ACAP2: variants seen among roughly 807,000 people sequenced by gnomAD.
ACAP2 encodes ArfGAP with coiled-coil, ankyrin repeat and PH domains 2.
Under a neutral mutation model 115.8 loss-of-function variants are expected in ACAP2, and 39 were observed. The ratio of observed to expected loss-of-function variants is 0.34; its 90% confidence interval spans 0.26 to 0.44. The LOEUF is 0.44. Among genes scored for constraint, ACAP2 ranks in the 20% least tolerant of loss-of-function variants. ACAP2 has a pLI of 1.00. For missense variants in ACAP2, 662 were observed against 927.6 expected, an observed-to-expected ratio of 0.71 and a Z score of 3.72; for synonymous variants, 289 against 315.8, an observed-to-expected ratio of 0.92 and a Z score of 0.90.
At chr3:195,317,426 A>G (rs923524777) in intron 10 of ACAP2, among the ~76,000 whole-genome samples, 5 of 152,210 alleles carry the variant, frequency 3.3e-5, no homozygotes, top group African/African-American at 1.2e-4. Flanking sequence ...AACCAATAAT[A>G]TAATAGTAAA....
intron 4 of ACAP2, among the ~76,000 whole-genome samples, chr3:195,369,664 G>T (rs1410372268): frequency 6.6e-6 from 1 of 152,126 alleles, no homozygotes; most frequent in Non-Finnish European, 1.5e-5. Context: ...GTCATTAATG[G>T]GCATTTAGGT....
At chr3:195,361,994 C>T (rs962078880) in intron 4 of ACAP2, among the ~76,000 whole-genome samples, 1 of 152,030 alleles carries the variant, frequency 6.6e-6, no homozygotes, top group Non-Finnish European at 1.5e-5. Flanking sequence ...CTGAACAGAC[C>T]AGTAACAAGA....
At chr3:195,358,131 A>G (rs1045560435) in intron 4 of ACAP2, among the ~76,000 whole-genome samples, 7 of 152,230 alleles carry the variant, frequency 4.6e-5, no homozygotes, top group East Asian at 1.9e-4. Context: ...TGGTATCTCT[A>G]TAAGTGTCCA....
At chr3:195,315,814 C>G (rs1255580753) in intron 10 of ACAP2, among the ~76,000 whole-genome samples, 1 of 152,118 alleles carries the variant, frequency 6.6e-6, no homozygotes, top group Non-Finnish European at 1.5e-5. Context: ...GAAAATTTAA[C>G]CATTATTCCT....
intron 4 of ACAP2, among the ~76,000 whole-genome samples, chr3:195,376,673 ATTTAT>A (rs984463138): frequency 5.3e-5 from 8 of 152,204 alleles, no homozygotes; most frequent in Non-Finnish European, 1.2e-4. Context: ...AATCTAAATG[ATTTAT>A]TTTATTAAAT....
intron 4 of ACAP2, among the ~76,000 whole-genome samples, chr3:195,377,587 G>C (rs1177110418): frequency 5.3e-5 from 8 of 152,184 alleles, no homozygotes; most frequent in East Asian, 1.9e-4. Context: ...ACAGGGCTAT[G>C]ATGAGGGAAG....
At chr3:195,316,304 A>C (rs1729089688) in intron 10 of ACAP2, among the ~76,000 whole-genome samples, 1 of 152,134 alleles carries the variant, frequency 6.6e-6, no homozygotes. Context: ...ATGTAATTTT[A>C]AGTTTTCATT....
chr3:195,298,910 C>G (rs1282537921), intron 15 of ACAP2, among the ~76,000 whole-genome samples: 2 of 152,172 alleles, frequency 1.3e-5, no homozygotes, highest in South Asian at 2.1e-4. Context: ...GGATTATAGG[C>G]GTCAGCCACT....
intron 1 of ACAP2, among the ~76,000 whole-genome samples, chr3:195,433,857 G>A (rs532737616): frequency 6.6e-6 from 1 of 152,060 alleles, no homozygotes; most frequent in Non-Finnish European, 1.5e-5. Flanking sequence ...TAGTACTTTC[G>A]TCAAAGATTT....
chr3:195,359,281 AAC>A (rs764948791), intron 4 of ACAP2, among the ~76,000 whole-genome samples: 3 of 152,212 alleles, frequency 2.0e-5, no homozygotes, highest in Non-Finnish European at 2.9e-5. Context: ...TACAAAGACA[AAC>A]ACGGAATACT....
At chr3:195,317,027 A>G (rs1417211802) in intron 10 of ACAP2, among the ~76,000 whole-genome samples, 1 of 148,488 alleles carries the variant, frequency 6.7e-6, no homozygotes, top group African/African-American at 2.5e-5. Flanking sequence ...CCTGCCGAGT[A>G]GCTGGGATTA....
intron 4 of ACAP2, among the ~76,000 whole-genome samples, chr3:195,357,036 T>C (rs1030229054): frequency 6.6e-6 from 1 of 151,966 alleles, no homozygotes; most frequent in South Asian, 2.1e-4. Context: ...GTAGGGTCCC[T>C]GATTCCAGAG....
At chr3:195,400,046 C>T (rs547782067) in intron 1 of ACAP2, among the ~76,000 whole-genome samples, 2 of 151,742 alleles carry the variant, frequency 1.3e-5, no homozygotes, top group East Asian at 3.9e-4. Flanking sequence ...GGTATGGTGG[C>T]GCATGCCTGT....
intron 1 of ACAP2, among the ~76,000 whole-genome samples, chr3:195,441,278 TA>T (rs1715973560): frequency 6.6e-6 from 1 of 152,232 alleles, no homozygotes; most frequent in African/African-American, 2.4e-5. Flanking sequence ...AGGTGCACTT[TA>T]AAAATTACTC....
intron 1 of ACAP2, among the ~76,000 whole-genome samples, chr3:195,436,515 T>C (rs1715553458): frequency 6.6e-6 from 1 of 152,202 alleles, no homozygotes; most frequent in Non-Finnish European, 1.5e-5. Context: ...ACCTCTCTTT[T>C]GGGTACTGTT....
intron 4 of ACAP2, among the ~76,000 whole-genome samples, chr3:195,366,876 T>A (rs2108714333): frequency 6.6e-6 from 1 of 152,022 alleles, no homozygotes; most frequent in Non-Finnish European, 1.5e-5. Context: ...ACAACAGTCA[T>A]CAGGACACTC....
At chr3:195,428,297 T>C (rs1714836750) in intron 1 of ACAP2, among the ~76,000 whole-genome samples, 2 of 150,422 alleles carry the variant, frequency 1.3e-5, no homozygotes, top group Non-Finnish European at 1.5e-5. Context: ...TAGGTATACA[T>C]ACATAGATAT....
At chr3:195,308,597 C>T (rs1728562345) in intron 11 of ACAP2, among the ~76,000 whole-genome samples, 189 bp downstream of exon 11, 1 of 152,172 alleles carries the variant, frequency 6.6e-6, no homozygotes, top group African/African-American at 2.4e-5. Flanking sequence ...GGATTCAAAT[C>T]ACTTTGCTTT....
intron 1 of ACAP2, among the ~76,000 whole-genome samples, chr3:195,417,572 AAG>A (rs1713839568): frequency 6.6e-6 from 1 of 152,108 alleles, no homozygotes; most frequent in Non-Finnish European, 1.5e-5. Context: ...CCACCTTCTA[AAG>A]GACTCTCTTG....
Sources: allele counts gnomAD v4.1 joint callset (sites outside exome capture counted in the v4.1 genomes callset), GRCh38; gene constraint gnomAD v4.1.1; transcripts MANE v1.5; gene names NCBI Gene and HGNC (gene_info 2026-07-23, HGNC 2026-07-21).